The following FGF12 variants were observed in gnomAD, a reference collection of about 807,000 sequenced individuals.
The protein encoded by FGF12 is fibroblast growth factor 12B.
Under a neutral mutation model 23.6 loss-of-function variants are expected in FGF12, and 14 were observed. That is an observed-to-expected ratio of 0.59 (90% CI 0.39 to 0.93). FGF12 has a LOEUF of 0.93. FGF12 is among the 40% of genes least tolerant of loss of function. The pLI is 0.00. For synonymous variants in FGF12, 62 were observed against 77.3 expected, an observed-to-expected ratio of 0.80 and a Z score of 1.04; for missense variants, 175 against 217.8, an observed-to-expected ratio of 0.80 and a Z score of 1.24.
At chr3:192,354,276 T>A (rs4560245) in intron 3 of FGF12, among the ~76,000 whole-genome samples, 6,217 of 152,144 alleles carry the variant, frequency 0.041, 445 homozygotes, top group East Asian at 0.35. Context: ...ACTGAGAGAA[T>A]CTTAAGAAAT....
chr3:192,418,177 T>G (rs981087057), intron 2 of FGF12, among the ~76,000 whole-genome samples: 1 of 152,142 alleles, frequency 6.6e-6, no homozygotes, highest in Non-Finnish European at 1.5e-5. Flanking sequence ...TAAAGTCTTA[T>G]GTTAATGTTC....
intron 2 of FGF12, among the ~76,000 whole-genome samples, chr3:192,400,150 T>A (rs529366476): frequency 2.0e-5 from 3 of 152,048 alleles, no homozygotes; most frequent in African/African-American, 7.3e-5. Flanking sequence ...AAGCATGGAG[T>A]CTGGGAGGCC....
intron 2 of FGF12, among the ~76,000 whole-genome samples, chr3:192,600,266 C>A (rs1451257697): frequency 6.6e-6 from 1 of 152,146 alleles, no homozygotes; most frequent in African/African-American, 2.4e-5. Context: ...GTTTTTATAA[C>A]AACATCATGC....
chr3:192,548,006 CAAGATTTAAAA>C (rs896518436), intron 2 of FGF12, among the ~76,000 whole-genome samples: 3 of 152,064 alleles, frequency 2.0e-5, no homozygotes, highest in African/African-American at 7.2e-5. Flanking sequence ...AAAATGAAAC[CAAGATTTAAAA>C]AACTTTCCAA....
At chr3:192,448,797 T>G (rs976880882) in intron 2 of FGF12, among the ~76,000 whole-genome samples, 1 of 152,208 alleles carries the variant, frequency 6.6e-6, no homozygotes, top group Non-Finnish European at 1.5e-5. Context: ...TTTATACTGA[T>G]GAATGGCCAC....
At chr3:192,316,288 A>G (rs148205127) in intron 4 of FGF12, among the ~76,000 whole-genome samples, 191 of 152,316 alleles carry the variant, frequency 1.3e-3, no homozygotes, top group Middle Eastern at 6.8e-3. Context: ...AAAATCCTTC[A>G]TAATAACCAA....
At chr3:192,708,216 C>G (rs1461778929) in intron 2 of FGF12, among the ~76,000 whole-genome samples, 4 of 152,102 alleles carry the variant, frequency 2.6e-5, no homozygotes, top group African/African-American at 9.7e-5. Context: ...ACCTCGGCCT[C>G]CCAAAGTGCT....
At chr3:192,597,195 T>C (rs768390243) in intron 2 of FGF12, among the ~76,000 whole-genome samples, 6 of 152,170 alleles carry the variant, frequency 3.9e-5, no homozygotes, top group African/African-American at 7.2e-5. Context: ...GGCAAAAGGA[T>C]GTGCTAGGAC....
At chr3:192,400,412 G>A (rs1174634387) in intron 2 of FGF12, among the ~76,000 whole-genome samples, 24 of 134,364 alleles carry the variant, frequency 1.8e-4, no homozygotes, top group South Asian at 4.8e-4. Flanking sequence ...CATGTGGCCC[G>A]GGCTGGAGTG....
In FGF12 at chr3:192,526,668, T is replaced by C. The variant is rs753864728; in HGVS notation, c.14-166130A>G. Among the ~76,000 whole-genome samples, 4 of 152,202 alleles carry C rather than the reference T, an allele frequency of 2.6e-5. No individual in the cohort carries two copies. The South Asian group carries it at 6.2e-4, about 24-fold the overall frequency. On this transcript the variant is annotated intron_variant, in intron 2 of 5. Coordinates refer to ENST00000445105, the MANE Select transcript of FGF12 (RefSeq NM_004113.6). Reference sequence around the variant, plus strand: ...ATTACTATTTCTGCCTTTCGCAATATACAGATGCTACTCAAAACATAGGAA... The same window carrying C: ...ATTACTATTTCTGCCTTTCGCAATACACAGATGCTACTCAAAACATAGGAA...
At chr3:192,343,630 T>C (rs188216481) in intron 3 of FGF12, among the ~76,000 whole-genome samples, 56 of 152,252 alleles carry the variant, frequency 3.7e-4, no homozygotes, top group African/African-American at 1.2e-3. Flanking sequence ...AGCTCTTAAA[T>C]CTTCCAATAC....
chr3:192,554,507 C>T (rs1373626957), intron 2 of FGF12, among the ~76,000 whole-genome samples: 4 of 152,126 alleles, frequency 2.6e-5, no homozygotes, highest in Non-Finnish European at 4.4e-5. Flanking sequence ...AGAGAAGAGG[C>T]ATCCATAGGA....
At chr3:192,391,397 T>C (rs1413378984) in intron 2 of FGF12, among the ~76,000 whole-genome samples, 1 of 152,168 alleles carries the variant, frequency 6.6e-6, no homozygotes, top group African/African-American at 2.4e-5. Context: ...TTGGTTAACG[T>C]TAAAAAATAA....
chr3:192,288,936 G>A (rs1207432367), intron 4 of FGF12, among the ~76,000 whole-genome samples: 1 of 151,972 alleles, frequency 6.6e-6, no homozygotes, highest in Non-Finnish European at 1.5e-5. Flanking sequence ...TTTTATCACA[G>A]AACTACCATT....
chr3:192,328,735 C>A (rs1458763597), intron 4 of FGF12, among the ~76,000 whole-genome samples: 5 of 152,290 alleles, frequency 3.3e-5, no homozygotes, highest in Admixed American at 3.3e-4. Context: ...TGCCCTCTAA[C>A]TTAGTAGTTG....
intron 3 of FGF12, among the ~76,000 whole-genome samples, chr3:192,356,224 C>T (rs1040331177): frequency 2.6e-5 from 4 of 152,166 alleles, no homozygotes; most frequent in Non-Finnish European, 4.4e-5. Flanking sequence ...GTAAACCTCT[C>T]CCTTTGCCTC....
At chr3:192,589,970 A>T in intron 2 of FGF12, among the ~76,000 whole-genome samples, 1 of 151,860 alleles carries the variant, frequency 6.6e-6, no homozygotes, top group East Asian at 1.9e-4. Context: ...CTCTACCAAG[A>T]TGGAGGTTGG....
At chr3:192,503,000 T>C (rs1028056990) in intron 2 of FGF12, among the ~76,000 whole-genome samples, 3 of 152,244 alleles carry the variant, frequency 2.0e-5, no homozygotes, top group Non-Finnish European at 4.4e-5. Flanking sequence ...GTCTGTTTTT[T>C]CTTAAGACTG....
intron 2 of FGF12, among the ~76,000 whole-genome samples, chr3:192,433,571 A>G (rs1021232840): frequency 6.6e-6 from 1 of 152,218 alleles, no homozygotes; most frequent in Admixed American, 6.5e-5. Flanking sequence ...AATGTTAACA[A>G]TATTTTCTGT....
Sources: gnomAD v4.1 joint callset for allele counts (sites outside exome capture counted in the v4.1 genomes callset) on GRCh38, gnomAD v4.1.1 for gene constraint, MANE v1.5 for transcripts, NCBI Gene and HGNC (gene_info 2026-07-23, HGNC 2026-07-21) for gene names.